Variants in KIAA0825 observed in about 807,000 individuals in gnomAD.
KIAA0825 encodes uncharacterized protein KIAA0825.
Under a neutral mutation model 147.6 loss-of-function variants are expected in KIAA0825, and 119 were observed. The ratio of observed to expected loss-of-function variants is 0.81; its 90% CI spans 0.69 to 0.94. KIAA0825 has a LOEUF of 0.94. Ranked by LOEUF, KIAA0825 falls within the 40% of genes least tolerant of loss-of-function variation. The pLI is 0.00. For synonymous variants in KIAA0825, 470 were observed against 518.1 expected, an observed-to-expected ratio of 0.91 and a Z score of 1.26; for missense variants, 1,381 against 1,472.7, an observed-to-expected ratio of 0.94 and a Z score of 1.02.
intron 1 of KIAA0825, among the ~76,000 whole-genome samples, chr5:94,602,124 C>T (rs527435594): frequency 4.1e-4 from 63 of 152,220 alleles, no homozygotes; most frequent in African/African-American, 1.2e-3. Context: ...CCAAGGCAGG[C>T]GGATCATGAG....
intron 5 of KIAA0825, among the ~76,000 whole-genome samples, chr5:94,505,422 T>G (rs1765631882): frequency 6.6e-6 from 1 of 151,882 alleles, no homozygotes; most frequent in South Asian, 2.1e-4. Context: ...ATGGGGATAT[T>G]AACCTAAAAT....
At chr5:94,364,467 T>G (rs374083124) in intron 20 of KIAA0825, among the ~76,000 whole-genome samples, 1 of 151,954 alleles carries the variant, frequency 6.6e-6, no homozygotes, top group Admixed American at 6.6e-5. Flanking sequence ...CTGCAAGCTC[T>G]GCCTCCCGGG....
chr5:94,274,816 A>G (rs1362585707), intron 20 of KIAA0825, among the ~76,000 whole-genome samples: 2 of 152,138 alleles, frequency 1.3e-5, no homozygotes, highest in African/African-American at 4.8e-5. Flanking sequence ...CATGAGCTTC[A>G]TCCTTTCATG....
intron 20 of KIAA0825, among the ~76,000 whole-genome samples, chr5:94,288,298 TC>T (rs1357688545): frequency 6.6e-6 from 1 of 151,840 alleles, no homozygotes; most frequent in Non-Finnish European, 1.5e-5. Flanking sequence ...CCCAGATTTT[TC>T]CCCCCATCTC....
At chr5:94,236,924 CGTAA>C (rs1235509677) in intron 20 of KIAA0825, among the ~76,000 whole-genome samples, 1 of 152,016 alleles carries the variant, frequency 6.6e-6, no homozygotes, top group Non-Finnish European at 1.5e-5. Flanking sequence ...ATAGTGTAAA[CGTAA>C]GTGTTATGTG....
At chr5:94,232,585 C>G (rs934333835) in intron 20 of KIAA0825, among the ~76,000 whole-genome samples, 2 of 151,904 alleles carry the variant, frequency 1.3e-5, no homozygotes, top group Admixed American at 6.6e-5. Context: ...TGTTGTTTTT[C>G]AGGTTTTATA....
chr5:94,435,959 T>C (rs1470072380), intron 14 of KIAA0825, among the ~76,000 whole-genome samples: 2 of 152,234 alleles, frequency 1.3e-5, no homozygotes, highest in Admixed American at 6.5e-5. Flanking sequence ...TTTGCCCACT[T>C]GTTAATCTGG....
At chr5:94,536,919 G>C (rs1213818267) in intron 3 of KIAA0825, 77 bp downstream of exon 3, 2 of 999,644 alleles carry the variant, frequency 2.0e-6, no homozygotes, top group African/African-American at 3.3e-5. Flanking sequence ...TCTAAGAGCA[G>C]GATACAAATA....
chr5:94,345,222 T>C (rs933869420), intron 20 of KIAA0825, among the ~76,000 whole-genome samples: 2 of 152,056 alleles, frequency 1.3e-5, no homozygotes, highest in African/African-American at 4.8e-5. Flanking sequence ...TGGGCATAGG[T>C]TATCAGTGGT....
At chr5:94,329,812 A>G (rs13186130) in intron 20 of KIAA0825, among the ~76,000 whole-genome samples, 3,301 of 152,020 alleles carry the variant, frequency 0.022, 95 homozygotes, top group East Asian at 0.091. Flanking sequence ...ATATTATCTT[A>G]CATAAAATAA....
At chr5:94,578,899 A>G (rs568006982) in intron 2 of KIAA0825, among the ~76,000 whole-genome samples, 1 of 152,210 alleles carries the variant, frequency 6.6e-6, no homozygotes, top group East Asian at 1.9e-4. Context: ...TTCAGAGTTC[A>G]AACTCTGGAG....
At chr5:94,451,754 C>A (rs1264362059) in intron 13 of KIAA0825, among the ~76,000 whole-genome samples, 1 of 152,154 alleles carries the variant, frequency 6.6e-6, no homozygotes, top group Non-Finnish European at 1.5e-5. Context: ...AAGAGAATAA[C>A]TCCAGTGGTT....
Position 94,460,630 on chromosome 5 carries a change from AT to A in KIAA0825, c.2246+1756del, listed in dbSNP as rs551467447. Among the ~76,000 whole-genome samples, 4 of 152,150 alleles carry A rather than the reference AT, an allele frequency of 2.6e-5. No homozygotes were observed. The East Asian group carries it at 5.8e-4, about 22-fold the overall frequency. ...TTAATTTTTTAATGTGAGATTCACA[AT>A]TTTTTTAATATGCTAATAGTATGAC... On this transcript the variant is annotated intron_variant, in intron 12 of 20. Transcript: ENST00000682413.
chr5:94,294,156 T>C (rs542185004), intron 20 of KIAA0825, among the ~76,000 whole-genome samples: 1 of 152,220 alleles, frequency 6.6e-6, no homozygotes, highest in Admixed American at 6.5e-5. Flanking sequence ...TATGTGTGTA[T>C]TTGATCCTGT....
At chr5:94,512,851 G>C (rs954055350) in intron 5 of KIAA0825, among the ~76,000 whole-genome samples, 2 of 152,020 alleles carry the variant, frequency 1.3e-5, no homozygotes, top group African/African-American at 2.4e-5. Flanking sequence ...AGCTGAGATC[G>C]CATCACTGCA....
chr5:94,466,762 G>C (rs1352413071), intron 10 of KIAA0825, among the ~76,000 whole-genome samples: 1 of 126,612 alleles, frequency 7.9e-6, no homozygotes, highest in Non-Finnish European at 1.7e-5. Flanking sequence ...AAAAAAAAAA[G>C]ATAAAAGAAA....
In KIAA0825 at chr5:94,226,344, T is replaced by C. The variant is rs185285435; in HGVS notation, c.3711-72220A>G. 1.4e-3 allele frequency among the ~76,000 whole-genome samples: 217 copies of C among 152,170 alleles called. 1 individual carries two copies. Among genetic ancestry groups the C allele is most frequent in the African/African-American group, 4.7e-3 (196 of 41,536 alleles). On this transcript the variant is annotated intron_variant, in intron 20 of 20. Coordinates refer to ENST00000682413, the MANE Select transcript of KIAA0825 (RefSeq NM_001145678.3). ...CATCTCATGCCAGTTAGAATGGCTA[T>C]CACTAAAAAGTCAGGAAACAACAGG...
At chr5:94,476,430 C>T (rs967688149) in intron 7 of KIAA0825, among the ~76,000 whole-genome samples, 3 of 152,106 alleles carry the variant, frequency 2.0e-5, no homozygotes, top group African/African-American at 7.2e-5. Flanking sequence ...AGCTAAAGCC[C>T]AAGCAGACCT....
Position 94,462,527 on chromosome 5 carries a change from T to G in KIAA0825, c.2106A>C (p.Leu702Phe). The G allele has an allele frequency of 6.5e-7, 1 of 1,539,902 alleles. No homozygotes were observed. The highest frequency in any genetic ancestry group is 8.8e-7 in the Non-Finnish European group (1 of 1,142,370). The change falls in exon 12 of 21, where the codon TTA becomes TTC. Residue 702 changes from leucine (L) to phenylalanine (F), a missense_variant. Transcript: ENST00000682413. The stretch of plus-strand genomic sequence containing the variant: ...TCTGTACAGATGTACAAACTGACCA[T>G]AACATGTTCTCAGTGCATATCAAAA... The part of the protein sequence containing the change: ...TTILICTENM[L>F]WSVCTSVQKL...
Sources: allele counts gnomAD v4.1 joint callset (sites outside exome capture counted in the v4.1 genomes callset), GRCh38; gene constraint gnomAD v4.1.1; transcripts MANE v1.5; gene names NCBI Gene and HGNC (gene_info 2026-07-23, HGNC 2026-07-21).